Variants in RHD observed in about 807,000 individuals in gnomAD.
The protein encoded by RHD is Rh blood group D antigen.
A neutral mutation model predicts 45.5 loss-of-function variants in RHD; 16 were observed. That is an observed-to-expected ratio of 0.35 (90% CI 0.24 to 0.53). The LOEUF (loss-of-function observed/expected upper bound fraction) is 0.53, where lower values mean the gene tolerates loss of function less well. Ranked by LOEUF, RHD falls within the 20% of genes least tolerant of loss-of-function variation. The pLI is 0.92. For synonymous variants in RHD, 131 were observed against 217.5 expected, an observed-to-expected ratio of 0.60 and a Z score of 3.50; for missense variants, 306 against 532.0, an observed-to-expected ratio of 0.58 and a Z score of 4.18.
intron 2 of RHD, among the ~76,000 whole-genome samples, chr1:25,285,073 CG>C (rs1641849137): frequency 7.5e-6 from 1 of 133,410 alleles, no homozygotes; most frequent in Non-Finnish European, 1.8e-5. Context: ...TTATGGAAAA[CG>C]TAAGAAGGAA....
At chr1:25,274,000 CACTTCAATTT>C (rs1156788026) in intron 1 of RHD, among the ~76,000 whole-genome samples, 1 of 132,242 alleles carries the variant, frequency 7.6e-6, no homozygotes, top group Non-Finnish European at 1.8e-5. Context: ...AATTTTAATT[CACTTCAATTT>C]ACTCTAATTC....
intron 1 of RHD, among the ~76,000 whole-genome samples, chr1:25,281,737 T>C (rs1379796790): frequency 1.5e-5 from 2 of 131,092 alleles, no homozygotes. Context: ...TGCAAAGAGT[T>C]GAATCCTTCC....
chr1:25,282,379 C>T lies in RHD; in HGVS notation c.149-2194C>T, dbSNP rs1490832726. On this transcript the variant is annotated intron_variant, in intron 1 of 9. Coordinates refer to ENST00000328664, the MANE Select transcript of RHD (RefSeq NM_016124.6). ...TCCCGAGTAGCTGGGATTACAGGTGCCCACCACCACATCCAGCTAATTTTT... is the reference window on the plus strand; with the variant it reads ...TCCCGAGTAGCTGGGATTACAGGTGTCCACCACCACATCCAGCTAATTTTT... Among the ~76,000 whole-genome samples the T allele has an allele frequency of 9.2e-5, 12 of 130,984 alleles. 2 individuals are homozygous for T. Among genetic ancestry groups the T allele is most frequent in the Admixed American group, 6.7e-4 (9 of 13,402 alleles). The allele number at this position is 130,984 out of a possible 152,430, so 85.9% of individuals were successfully genotyped here.
chr1:25,320,859 T>C lies in RHD; in HGVS notation c.1154-1030T>C, dbSNP rs1326508889. 1.5e-5 allele frequency among the ~76,000 whole-genome samples: 2 copies of C among 130,670 alleles called. 1 individual carries two copies. Among genetic ancestry groups the C allele is most frequent in the African/African-American group, 5.2e-5 (2 of 38,392 alleles). 85.7% of individuals were successfully genotyped at this position (130,670 alleles called of 152,430 possible). On this transcript the variant is annotated intron_variant, in intron 8 of 9. Coordinates refer to ENST00000328664, the MANE Select transcript of RHD (RefSeq NM_016124.6). ...GTGTTCAAGACCAGCCTGGGCAACA[T>C]GGCTAAGTCCTGTCTCTGCAAAAAA...
rs1200121381 is a variant in RHD, at chr1:25,290,535, C to T, written c.336-106C>T. The T allele has an allele frequency of 1.6e-5, 16 of 1,006,218 alleles. 3 individuals are homozygous for T. The Admixed American group carries it at 2.9e-4, about 18-fold the overall frequency. 62.3% of individuals were successfully genotyped at this position (1,006,218 alleles called of 1,614,324 possible). A position where few individuals can be genotyped will look rare whatever the true frequency, so the allele number is the denominator to read the frequency against. On this transcript the variant is annotated intron_variant, in intron 2 of 9. Transcript: ENST00000328664. ...CTTCTATTCCCACAGAAAGTAGGTG[C>T]CCAACAGTGTTTGTTGAAAGAATGA...
In RHD at chr1:25,310,842, G is replaced by A. The variant is rs192133669; in HGVS notation, c.1073+4113G>A. ...CAAAAAATTAGCTGGGCGTGGTGGC[G>A]CACACCTGTAATCTCAGCTACTCAG... On this transcript the variant is annotated intron_variant, in intron 7 of 9. Coordinates refer to ENST00000328664, the MANE Select transcript of RHD (RefSeq NM_016124.6). 1.2e-4 allele frequency among the ~76,000 whole-genome samples: 16 copies of A among 131,432 alleles called. 6 individuals carry two copies. The highest frequency in any genetic ancestry group is 4.6e-4 in the South Asian group (2 of 4,308). 86.2% of individuals were successfully genotyped at this position (131,432 alleles called of 152,430 possible).
At chr1:25,323,383 A>C (rs1644818437) in intron 9 of RHD, among the ~76,000 whole-genome samples, 1 of 105,652 alleles carries the variant, frequency 9.5e-6, no homozygotes, top group African/African-American at 3.2e-5. Context: ...CTCCTTTGAA[A>C]TTCCTCCCTC....
intron 1 of RHD, among the ~76,000 whole-genome samples, chr1:25,276,548 A>AAAAAAAAAAAAAC (rs1641009526): frequency 8.0e-6 from 1 of 125,192 alleles, no homozygotes; most frequent in Admixed American, 7.8e-5. Flanking sequence ...AAAAAAAAAA[A>AAAAAAAAAAAAAC]AAAAAAACTT....
chr1:25,273,381 C>T (rs1411749588), intron 1 of RHD, among the ~76,000 whole-genome samples: 2 of 100,792 alleles, frequency 2.0e-5, no homozygotes, highest in Non-Finnish European at 4.8e-5. Context: ...TGGACACAAG[C>T]GATCCTCCAG....
At chr1:25,305,897 C>T (rs1571689415) in intron 6 of RHD, among the ~76,000 whole-genome samples, 1 of 131,416 alleles carries the variant, frequency 7.6e-6, no homozygotes, top group East Asian at 2.0e-4. Context: ...CCACCGTGCC[C>T]AACCTGGATT....
At chr1:25,288,079 A>C (rs1218639426) in intron 2 of RHD, among the ~76,000 whole-genome samples, 1 of 132,704 alleles carries the variant, frequency 7.5e-6, no homozygotes, top group African/African-American at 2.6e-5. Flanking sequence ...GTGAAGTGGC[A>C]TGTTCATGGC....
intron 6 of RHD, among the ~76,000 whole-genome samples, chr1:25,306,262 C>A (rs1480484067): frequency 7.6e-6 from 1 of 131,668 alleles, no homozygotes; most frequent in Non-Finnish European, 1.8e-5. Flanking sequence ...GGGCAGCCCC[C>A]ACCACAAGGA....
intron 2 of RHD, among the ~76,000 whole-genome samples, chr1:25,285,483 T>C (rs760032523): frequency 2.2e-5 from 3 of 135,128 alleles, no homozygotes; most frequent in Non-Finnish European, 5.3e-5. Flanking sequence ...CTAATGCTGC[T>C]AGACAATAAA....
chr1:25,275,066 G>T lies in RHD; in HGVS notation c.148+2371G>T, dbSNP rs1640837327. On this transcript the variant is annotated intron_variant, in intron 1 of 9. Coordinates refer to ENST00000328664, the MANE Select transcript of RHD (RefSeq NM_016124.6). ...ACACTTTGGGAGACCAAGGCAGGCA[G>T]ATCACCTGAGGTCAGGAGTTCGAGA... 1.6e-5 allele frequency among the ~76,000 whole-genome samples: 2 copies of T among 126,292 alleles called. 1 individual carries two copies. The highest frequency in any genetic ancestry group is 4.9e-4 in the South Asian group (2 of 4,108). 82.9% of individuals were successfully genotyped at this position (126,292 alleles called of 152,430 possible).
rs1416601051 is a variant in RHD at position 25,329,056 on chromosome 1, G to A, written c.*132G>A. ...TGTTCGCGCAGGCACTGGAGTCAGA[G>A]AAAATGGAGTTGAATCCTTTCTCTG... On this transcript the variant is annotated 3_prime_UTR_variant, in exon 10 of 10. Coordinates refer to ENST00000328664, the MANE Select transcript of RHD (RefSeq NM_016124.6). 5 of 1,366,360 alleles carry A rather than the reference G, an allele frequency of 3.7e-6. 1 individual carries two copies. In the African/African-American group the frequency reaches 7.1e-5, roughly 19 times the overall value. 84.6% of individuals were successfully genotyped at this position (1,366,360 alleles called of 1,614,324 possible).
At chr1:25,321,444 T>G (rs1644695278) in intron 8 of RHD, among the ~76,000 whole-genome samples, 2 of 118,590 alleles carry the variant, frequency 1.7e-5, no homozygotes, top group South Asian at 5.2e-4. Flanking sequence ...GTGGATCACC[T>G]GAGGTCGGGA....
intron 2 of RHD, 63 bp from the exon 3 acceptor site, chr1:25,290,578 T>G: frequency 1.7e-6 from 2 of 1,172,834 alleles, no homozygotes. Flanking sequence ...AATGAATGAA[T>G]GAATGAATGA....
In RHD at chr1:25,322,493, C is replaced by G. The variant is rs548952521; in HGVS notation, c.1227+531C>G. Among the ~76,000 whole-genome samples, 21 of 132,206 alleles carry G rather than the reference C, an allele frequency of 1.6e-4. 6 individuals are homozygous for G. In the South Asian group the frequency reaches 3.5e-3, roughly 22 times the overall value. The allele number at this position is 132,206 out of a possible 152,430, so 86.7% of individuals were successfully genotyped here. On this transcript the variant is annotated intron_variant, in intron 9 of 9. Transcript: ENST00000328664. The stretch of plus-strand genomic sequence containing the variant: ...TTCGAGACCAGCCTGGCCAACGTGT[C>G]GAAACCCCATCTCTACTAAAAATAC...
chr1:25,303,596 G>A lies in RHD; in HGVS notation c.939+137G>A. 23 of 948,414 alleles carry A rather than the reference G, an allele frequency of 2.4e-5. 3 individuals carry two copies. In the Middle Eastern group the frequency reaches 8.9e-4, roughly 37 times the overall value. The allele number at this position is 948,414 out of a possible 1,614,324, so 58.7% of individuals were successfully genotyped here. A position where few individuals can be genotyped will look rare whatever the true frequency, so the allele number is the denominator to read the frequency against. On this transcript the variant is annotated intron_variant, in intron 6 of 9. Coordinates refer to ENST00000328664, the MANE Select transcript of RHD (RefSeq NM_016124.6). ...TCTCTTATTGGCTTCAACGCCTAGT[G>A]AGGGATCCATCCTGGCTCGGTGGCG...
Sources: gnomAD v4.1 joint callset for allele counts (sites outside exome capture counted in the v4.1 genomes callset) on GRCh38, gnomAD v4.1.1 for gene constraint, MANE v1.5 for transcripts, NCBI Gene and HGNC (gene_info 2026-07-23, HGNC 2026-07-21) for gene names.